The following PLCB1 variants were observed in gnomAD, a reference collection of about 807,000 sequenced individuals.
PLCB1 encodes 1-phosphatidylinositol 4,5-bisphosphate phosphodiesterase beta-1.
PLCB1 carries 46 observed loss-of-function variants against 161.8 expected under a neutral mutation model. The observed-to-expected ratio is 0.28, with a 90% confidence interval of 0.22 to 0.36. The LOEUF is 0.36. Among genes scored for constraint, PLCB1 ranks in the 10% least tolerant of loss-of-function variants. PLCB1 has a pLI of 1.00. For synonymous variants in PLCB1, 517 were observed against 503.7 expected (o/e 1.03, Z -0.35); for missense variants, 1,016 against 1,472.5 (o/e 0.69, Z 5.07).
At chr20:8,636,934 C>T (rs1431589618) in intron 4 of PLCB1, among the ~76,000 whole-genome samples, 2 of 151,936 alleles carry the variant, frequency 1.3e-5, no homozygotes, top group African/African-American at 4.8e-5. Flanking sequence ...TACTCTTCTG[C>T]ATACCTCCAT....
intron 1 of PLCB1, among the ~76,000 whole-genome samples, chr20:8,139,086 T>TTTTC (rs1555785661): frequency 7.8e-6 from 1 of 128,124 alleles, no homozygotes; most frequent in African/African-American, 3.3e-5. Flanking sequence ...CAAGGGTTTT[T>TTTTC]TTTTTTTTTT....
intron 2 of PLCB1, among the ~76,000 whole-genome samples, chr20:8,153,510 AGAAAC>A: frequency 1.3e-5 from 2 of 152,298 alleles, no homozygotes; most frequent in East Asian, 3.9e-4. Context: ...TGTGAACACT[AGAAAC>A]CAACACAGGA....
intron 2 of PLCB1, among the ~76,000 whole-genome samples, chr20:8,339,816 T>G (rs2122218958): frequency 6.6e-6 from 1 of 152,198 alleles, no homozygotes; most frequent in Non-Finnish European, 1.5e-5. Flanking sequence ...ATTAAAAAGT[T>G]AATGGGGCCA....
intron 31 of PLCB1, among the ~76,000 whole-genome samples, chr20:8,818,448 A>G (rs1267220869): frequency 6.6e-6 from 1 of 152,228 alleles, no homozygotes; most frequent in Non-Finnish European, 1.5e-5. Context: ...TCAATGCAGT[A>G]AGACAAGAAG....
At chr20:8,258,196 G>A (rs1323657079) in intron 2 of PLCB1, among the ~76,000 whole-genome samples, 1 of 152,120 alleles carries the variant, frequency 6.6e-6, no homozygotes, top group Admixed American at 6.5e-5. Flanking sequence ...CTTTACTCTT[G>A]TAATATGCCA....
chr20:8,425,870 G>GA (rs35337946), intron 3 of PLCB1, among the ~76,000 whole-genome samples: 122 of 144,338 alleles, frequency 8.5e-4, no homozygotes, highest in South Asian at 4.8e-3. Context: ...TCCAATTTCA[G>GA]AAAAAAAAAA....
intron 2 of PLCB1, among the ~76,000 whole-genome samples, chr20:8,159,250 G>A (rs1006514423): frequency 3.0e-4 from 46 of 152,196 alleles, no homozygotes; most frequent in Admixed American, 2.0e-3. Context: ...TCAACACCAT[G>A]TGGAAGCTGT....
At chr20:8,788,106 A>G (rs189589960) in intron 27 of PLCB1, among the ~76,000 whole-genome samples, 1 of 152,348 alleles carries the variant, frequency 6.6e-6, no homozygotes, top group East Asian at 1.9e-4. Flanking sequence ...TCTTGCCCCA[A>G]ATTTCACTTT....
At chr20:8,166,589 C>A (rs559432555) in intron 2 of PLCB1, among the ~76,000 whole-genome samples, 1 of 152,256 alleles carries the variant, frequency 6.6e-6, no homozygotes, top group South Asian at 2.1e-4. Context: ...TCCTGAGATA[C>A]CGGAAAGCAA....
intron 2 of PLCB1, among the ~76,000 whole-genome samples, chr20:8,245,626 C>G (rs1460735840): frequency 1.3e-5 from 2 of 151,658 alleles, no homozygotes; most frequent in Non-Finnish European, 2.9e-5. Flanking sequence ...TGGTCTGAGC[C>G]CATGTCTCCT....
rs566054922 is a variant in PLCB1 at position 8,312,862 on chromosome 20, G to T, written c.178-58520G>T. Among the ~76,000 whole-genome samples the T allele has an allele frequency of 7.2e-5, 11 of 151,794 alleles. No homozygotes were observed. In the East Asian group the frequency reaches 2.1e-3, roughly 29 times the overall value. ...GAAAAAAAAAAAGGCTTAAATCATT[G>T]GTCAGCTCTCCTGTGCTTGAAATTG... On this transcript the variant is annotated intron_variant, in intron 2 of 31. Transcript: ENST00000338037.
At chr20:8,810,016 C>T (rs1178642758) in intron 31 of PLCB1, among the ~76,000 whole-genome samples, 3 of 152,120 alleles carry the variant, frequency 2.0e-5, no homozygotes, top group East Asian at 1.9e-4. Context: ...TTTTTTTCCT[C>T]TAAAAGTTTT....
At chr20:8,780,746 G>A (rs529742875) in intron 27 of PLCB1, among the ~76,000 whole-genome samples, 19 of 152,210 alleles carry the variant, frequency 1.2e-4, no homozygotes, top group South Asian at 2.1e-4. Context: ...GGTGCTGAGT[G>A]GGGGGTCTAG....
chr20:8,559,741 G>C (rs559705797), intron 3 of PLCB1, among the ~76,000 whole-genome samples: 2 of 152,014 alleles, frequency 1.3e-5, no homozygotes, highest in East Asian at 3.9e-4. Context: ...GATAAATGGG[G>C]CAATTCATCA....
intron 3 of PLCB1, among the ~76,000 whole-genome samples, chr20:8,467,297 C>T (rs138290837): frequency 6.6e-6 from 1 of 152,246 alleles, no homozygotes; most frequent in East Asian, 1.9e-4. Context: ...AGTCAACACA[C>T]ATTGTATTTA....
intron 2 of PLCB1, among the ~76,000 whole-genome samples, chr20:8,360,391 T>G (rs542387113): frequency 5.9e-5 from 9 of 152,194 alleles, no homozygotes; most frequent in Non-Finnish European, 8.8e-5. Flanking sequence ...TGCAGGAGCT[T>G]TAGGCAAACT....
At chr20:8,658,488 T>G in intron 8 of PLCB1, 50 bp from the exon 9 acceptor site, 1 of 1,380,610 alleles carries the variant, frequency 7.2e-7, no homozygotes. Flanking sequence ...AATATTAGAA[T>G]GAAACTTAGT....
intron 1 of PLCB1, among the ~76,000 whole-genome samples, chr20:8,150,073 T>C (rs2051494457): frequency 6.6e-6 from 1 of 152,114 alleles, no homozygotes; most frequent in Non-Finnish European, 1.5e-5. Flanking sequence ...CTTTTTCCTT[T>C]ACAAGTTATG....
At position 8,884,769 on chromosome 20, in the gene PLCB1, A is replaced by G. The variant is rs1259950391; in HGVS notation, c.*2920A>G. ...ACATATTTTGGTTCTTCTATCTCAA[A>G]TTATTTAAAATGCATAATTCACATT... On this transcript the variant is annotated 3_prime_UTR_variant, in exon 32 of 32. Transcript: ENST00000338037. The G allele has an allele frequency of 6.6e-6, 1 of 152,654 alleles. No homozygotes were observed. Among genetic ancestry groups the G allele is most frequent in the Non-Finnish European group, 1.5e-5 (1 of 68,032 alleles). The allele number at this position is 152,654 out of a possible 1,614,324, so 9.5% of individuals were successfully genotyped here. A position where few individuals can be genotyped will look rare whatever the true frequency, so the allele number is the denominator to read the frequency against.
Sources: allele counts gnomAD v4.1 joint callset (sites outside exome capture counted in the v4.1 genomes callset), GRCh38; gene constraint gnomAD v4.1.1; transcripts MANE v1.5; gene names NCBI Gene and HGNC (gene_info 2026-07-23, HGNC 2026-07-21).